The following SLC24A2 variants were observed in gnomAD, a reference collection of about 807,000 sequenced individuals.
SLC24A2 encodes the protein sodium/potassium/calcium exchanger 2.
In SLC24A2, 36 loss-of-function variants were observed where a neutral mutation model predicts 62.0. The ratio of observed to expected loss-of-function variants is 0.58; its 90% CI spans 0.44 to 0.77. SLC24A2 has a LOEUF of 0.77. SLC24A2 is among the 30% of genes least tolerant of loss of function. The pLI is 0.00. For missense variants in SLC24A2, 846 were observed against 817.9 expected (o/e 1.03, Z -0.42); for synonymous variants, 358 against 294.0 (o/e 1.22, Z -2.23).
At chr9:20,173,326 G>C in the SLC24A2 span, among the ~76,000 whole-genome samples, 1 of 152,036 alleles carries the variant, frequency 6.6e-6, no homozygotes, top group African/African-American at 2.4e-5. Flanking sequence ...GGAAGTCCTA[G>C]CCAGAGCAAT....
chr9:19,700,048 G>A (rs1023242407), intron 2 of SLC24A2, among the ~76,000 whole-genome samples: 1 of 152,130 alleles, frequency 6.6e-6, no homozygotes, highest in Non-Finnish European at 1.5e-5. Flanking sequence ...GGCAATTGAC[G>A]TCTGCCTCAC....
intron 7 of SLC24A2, 118 bp from the exon 8 acceptor site, chr9:19,550,386 T>A: frequency 1.0e-6 from 1 of 956,704 alleles, no homozygotes; most frequent in East Asian, 2.6e-5. Context: ...CTGGACTCGT[T>A]CCAGTAGCTT....
chr9:19,779,154 G>C (rs1164829835), intron 2 of SLC24A2, among the ~76,000 whole-genome samples: 2 of 152,206 alleles, frequency 1.3e-5, no homozygotes, highest in African/African-American at 4.8e-5. Flanking sequence ...TGGAAGGTAA[G>C]ATAGTACAAG....
At chr9:20,074,240 C>T in the SLC24A2 span, among the ~76,000 whole-genome samples, 1 of 151,950 alleles carries the variant, frequency 6.6e-6, no homozygotes, top group African/African-American at 2.4e-5. Context: ...TATGAGTCCT[C>T]ACAAATGATA....
At chr9:19,535,552 G>C (rs1833922735) in intron 8 of SLC24A2, among the ~76,000 whole-genome samples, 1 of 152,174 alleles carries the variant, frequency 6.6e-6, no homozygotes, top group African/African-American at 2.4e-5. Flanking sequence ...AAAGGGTCCA[G>C]TTTAAGTTTT....
the SLC24A2 span, among the ~76,000 whole-genome samples, chr9:19,825,860 C>G: frequency 6.6e-6 from 1 of 152,024 alleles, no homozygotes; most frequent in Non-Finnish European, 1.5e-5. Flanking sequence ...AAGAGGCTCA[C>G]TCAGTAAGAG....
the SLC24A2 span, among the ~76,000 whole-genome samples, chr9:19,893,802 G>A: frequency 3.9e-5 from 6 of 152,256 alleles, no homozygotes; most frequent in East Asian, 1.2e-3. Flanking sequence ...CGCCACACAG[G>A]GTTAGGGTCA....
chr9:20,013,001 T>C, the SLC24A2 span, among the ~76,000 whole-genome samples: 1 of 152,184 alleles, frequency 6.6e-6, no homozygotes, highest in Admixed American at 6.5e-5. Context: ...ATAAGTTTAA[T>C]ATAATTTCCA....
the SLC24A2 span, among the ~76,000 whole-genome samples, chr9:20,248,904 A>C: frequency 3.9e-5 from 6 of 152,126 alleles, no homozygotes; most frequent in Non-Finnish European, 8.8e-5. Flanking sequence ...CTCCAGAGAT[A>C]TATTCATGGT....
chr9:20,019,674 G>A, the SLC24A2 span, among the ~76,000 whole-genome samples: 10 of 152,074 alleles, frequency 6.6e-5, no homozygotes, highest in Non-Finnish European at 1.2e-4. Flanking sequence ...AAGACTTCCC[G>A]ACTAAAACAC....
chr9:19,751,493 C>T (rs11790307), intron 2 of SLC24A2, among the ~76,000 whole-genome samples: 27,467 of 152,050 alleles, frequency 0.18, 2,769 homozygotes, highest in South Asian at 0.23. Flanking sequence ...CTGGAGGATC[C>T]TATTAAACTT....
chr9:20,296,931 G>A, the SLC24A2 span, among the ~76,000 whole-genome samples: 3 of 152,302 alleles, frequency 2.0e-5, no homozygotes, highest in East Asian at 1.9e-4. Context: ...AGCAGTCTAT[G>A]AAGTATGCTG....
chr9:19,709,184 G>C (rs1007504161), intron 2 of SLC24A2, among the ~76,000 whole-genome samples: 1 of 151,968 alleles, frequency 6.6e-6, no homozygotes, highest in African/African-American at 2.4e-5. Context: ...TCAGAGAAAT[G>C]CAAATCAAAA....
At chr9:20,110,635 C>G in the SLC24A2 span, among the ~76,000 whole-genome samples, 963 of 152,056 alleles carry the variant, frequency 6.3e-3, 16 homozygotes, top group African/African-American at 0.022. Flanking sequence ...TAAAAAGTAC[C>G]TATTGTTACT....
At chr9:20,251,914 T>C in the SLC24A2 span, among the ~76,000 whole-genome samples, 1 of 152,194 alleles carries the variant, frequency 6.6e-6, no homozygotes, top group African/African-American at 2.4e-5. Flanking sequence ...TAGAACGGGA[T>C]TGGCCTGCCT....
At chr9:20,124,131 C>A in the SLC24A2 span, among the ~76,000 whole-genome samples, 45 of 152,258 alleles carry the variant, frequency 3.0e-4, no homozygotes, top group African/African-American at 1.1e-3. Context: ...ATATGTAACT[C>A]CTTTTATAAT....
At chr9:19,682,009 G>A (rs529873384) in intron 2 of SLC24A2, among the ~76,000 whole-genome samples, 4 of 152,238 alleles carry the variant, frequency 2.6e-5, no homozygotes, top group East Asian at 1.9e-4. Flanking sequence ...GTGATTGATC[G>A]TCCTTTCTTC....
the SLC24A2 span, among the ~76,000 whole-genome samples, chr9:20,226,411 C>A: frequency 6.6e-6 from 1 of 152,106 alleles, no homozygotes; most frequent in Non-Finnish European, 1.5e-5. Context: ...CCATTAACTG[C>A]ATACATATGG....
the SLC24A2 span, among the ~76,000 whole-genome samples, chr9:20,037,236 C>T: frequency 6.6e-6 from 1 of 152,142 alleles, no homozygotes; most frequent in Non-Finnish European, 1.5e-5. Flanking sequence ...ACACGCCCAA[C>T]ACAATGTAAA....
Sources: gnomAD v4.1 joint callset for allele counts (sites outside exome capture counted in the v4.1 genomes callset) on GRCh38, gnomAD v4.1.1 for gene constraint, MANE v1.5 for transcripts, NCBI Gene and HGNC (gene_info 2026-07-23, HGNC 2026-07-21) for gene names.